ITPR2: variants seen among roughly 807,000 people sequenced by gnomAD.
ITPR2 encodes inositol 1,4,5-trisphosphate-gated calcium channel ITPR2.
A neutral mutation model predicts 317.1 loss-of-function variants in ITPR2; 207 were observed. The observed-to-expected ratio is 0.65, with a 90% confidence interval of 0.58 to 0.73. ITPR2 has a LOEUF of 0.73. Among genes scored for constraint, ITPR2 ranks in the 30% least tolerant of loss-of-function variants. The probability of loss-of-function intolerance (pLI) is 0.00; values close to 1 mark genes in which losing one functional copy is unlikely to be tolerated. For missense variants in ITPR2, 2,613 were observed against 3,284.0 expected (o/e 0.80, Z 4.99); for synonymous variants, 1,156 against 1,149.1 (o/e 1.01, Z -0.12).
At chr12:26,751,909 TAA>T (rs1310534655) in intron 2 of ITPR2, among the ~76,000 whole-genome samples, 2 of 151,162 alleles carry the variant, frequency 1.3e-5, no homozygotes, top group Non-Finnish European at 2.9e-5. Context: ...ACCCACACTG[TAA>T]AACCACATCA....
chr12:26,387,201 A>C (rs1162309663), intron 55 of ITPR2, among the ~76,000 whole-genome samples: 2 of 152,220 alleles, frequency 1.3e-5, no homozygotes, highest in African/African-American at 4.8e-5. Flanking sequence ...AAGAGAATCC[A>C]GGAAATATCA....
chr12:26,676,853 A>G (rs943413363), intron 13 of ITPR2, among the ~76,000 whole-genome samples: 2 of 152,186 alleles, frequency 1.3e-5, no homozygotes, highest in African/African-American at 4.8e-5. Flanking sequence ...GTGGTGCATC[A>G]TGATTTATAT....
chr12:26,827,266 ACGGAGAAAAGAACAATAAACT>A (rs67342259), intron 1 of ITPR2, among the ~76,000 whole-genome samples: 30,765 of 149,462 alleles, frequency 0.21, 3,593 homozygotes, highest in Non-Finnish European at 0.28. Flanking sequence ...TTGCACTTAC[ACGGAGAAAAGAACAATAAACT>A]CGGAGAAAAG....
chr12:26,578,579 T>G (rs1945326676), intron 34 of ITPR2, 134 bp downstream of exon 34: 3 of 670,812 alleles, frequency 4.5e-6, no homozygotes, highest in South Asian at 5.6e-5. Context: ...TGCTGATGGC[T>G]GCTCTTCAGT....
intron 10 of ITPR2, among the ~76,000 whole-genome samples, chr12:26,690,615 A>G (rs190763799): frequency 1.3e-5 from 2 of 152,340 alleles, no homozygotes; most frequent in African/African-American, 4.8e-5. Context: ...TTAAAATGCT[A>G]ATGAAATAAA....
chr12:26,449,271 A>G (rs764601329), intron 45 of ITPR2, among the ~76,000 whole-genome samples: 2 of 152,218 alleles, frequency 1.3e-5, no homozygotes, highest in Admixed American at 6.5e-5. Flanking sequence ...ATTGTATTAC[A>G]ATACAATGCC....
intron 32 of ITPR2, among the ~76,000 whole-genome samples, chr12:26,583,923 T>A (rs1052822256): frequency 6.6e-6 from 1 of 152,218 alleles, no homozygotes; most frequent in Non-Finnish European, 1.5e-5. Context: ...ATTTGTCTTC[T>A]TCTACTTCCA....
chr12:26,486,610 T>C (rs1007654248), intron 40 of ITPR2, among the ~76,000 whole-genome samples: 6 of 152,224 alleles, frequency 3.9e-5, no homozygotes, highest in Non-Finnish European at 7.3e-5. Context: ...CATATATATA[T>C]TCATGTATAT....
Position 26,337,602 on chromosome 12 carries a change from A to G in ITPR2, c.*1795T>C, listed in dbSNP as rs1937960959. The G allele has an allele frequency of 6.6e-6, 1 of 152,242 alleles. No homozygotes were observed. Among genetic ancestry groups the G allele is most frequent in the Non-Finnish European group, 1.5e-5 (1 of 68,052 alleles). 9.4% of individuals were successfully genotyped at this position (152,242 alleles called of 1,614,324 possible). On this transcript the variant is annotated 3_prime_UTR_variant, in exon 57 of 57. Transcript: ENST00000381340. ...ATAAAGAATTAAGAGTAACTGAATG[A>G]CAGCTGAATTTCTCATGTATTTATT...
intron 39 of ITPR2, among the ~76,000 whole-genome samples, chr12:26,488,143 A>G (rs2136854758): frequency 6.6e-6 from 1 of 152,308 alleles, no homozygotes; most frequent in South Asian, 2.1e-4. Flanking sequence ...GGGGAATTAT[A>G]ACTTATTACT....
At chr12:26,409,529 CA>C (rs200066521) in intron 52 of ITPR2, among the ~76,000 whole-genome samples, 8 of 147,420 alleles carry the variant, frequency 5.4e-5, no homozygotes, top group Middle Eastern at 3.5e-3. Flanking sequence ...CAGAGGTTGG[CA>C]AAAAAAAAAT....
chr12:26,688,016 G>T (rs546742975), intron 10 of ITPR2, among the ~76,000 whole-genome samples: 1 of 152,280 alleles, frequency 6.6e-6, no homozygotes, highest in Non-Finnish European at 1.5e-5. Context: ...AGAAAATGCA[G>T]AAACAGTTAG....
intron 2 of ITPR2, among the ~76,000 whole-genome samples, chr12:26,749,251 G>A (rs1338537065): frequency 2.0e-5 from 3 of 152,152 alleles, no homozygotes; most frequent in African/African-American, 4.8e-5. Context: ...AATTAAATAT[G>A]AACTCTGATC....
At chr12:26,436,489 A>G in intron 47 of ITPR2, 143 bp from the exon 48 acceptor site, 1 of 706,516 alleles carries the variant, frequency 1.4e-6, no homozygotes, top group Non-Finnish European at 2.2e-6. Flanking sequence ...ATTTGACTTG[A>G]GTAAGTTTAT....
At chr12:26,582,073 A>C (rs1170514858) in intron 32 of ITPR2, among the ~76,000 whole-genome samples, 1 of 152,192 alleles carries the variant, frequency 6.6e-6, no homozygotes, top group Non-Finnish European at 1.5e-5. Flanking sequence ...TGTGTTTTAC[A>C]AAGCTATGTG....
Position 26,659,098 on chromosome 12 carries a change from T to C in ITPR2, c.1886+15A>G, listed in dbSNP as rs774473328. On this transcript the variant is annotated intron_variant, in intron 16 of 56. Transcript: ENST00000381340. ...ATCTCCACTAGAAAAGAATACCGCA[T>C]GAATCATTTCAAACCTTGGCTCCCG... 1 of 1,598,834 alleles carries C rather than the reference T, an allele frequency of 6.3e-7. No homozygotes were observed. Among genetic ancestry groups the C allele is most frequent in the African/African-American group, 1.3e-5 (1 of 74,554 alleles).
At chr12:26,562,781 G>A (rs902611230) in intron 34 of ITPR2, among the ~76,000 whole-genome samples, 1 of 151,970 alleles carries the variant, frequency 6.6e-6, no homozygotes, top group African/African-American at 2.4e-5. Flanking sequence ...TGGGGGAAGG[G>A]GGGGAGGGAT....
At chr12:26,375,310 G>C (rs532778977) in intron 55 of ITPR2, among the ~76,000 whole-genome samples, 10 of 152,308 alleles carry the variant, frequency 6.6e-5, no homozygotes, top group Non-Finnish European at 1.3e-4. Context: ...CCCTTCATAA[G>C]TCTAAAATAA....
At chr12:26,450,455 C>T (rs1264897809) in intron 45 of ITPR2, among the ~76,000 whole-genome samples, 1 of 151,892 alleles carries the variant, frequency 6.6e-6, no homozygotes, top group African/African-American at 2.4e-5. Context: ...TTCATAAGAA[C>T]ACAGACCAAA....
Sources: allele counts gnomAD v4.1 joint callset (sites outside exome capture counted in the v4.1 genomes callset), GRCh38; gene constraint gnomAD v4.1.1; transcripts MANE v1.5; gene names NCBI Gene and HGNC (gene_info 2026-07-23, HGNC 2026-07-21).